SLC25A3: variants seen among roughly 807,000 people sequenced by gnomAD.
SLC25A3 encodes phosphate transport protein.
SLC25A3 carries 14 observed loss-of-function variants against 37.1 expected under a neutral mutation model. The ratio of observed to expected loss-of-function variants is 0.38; its 90% CI spans 0.25 to 0.59. The LOEUF is 0.59. Among genes scored for constraint, SLC25A3 ranks in the 20% least tolerant of loss-of-function variants. SLC25A3 has a pLI of 0.67. For missense variants in SLC25A3, 385 were observed against 458.1 expected (o/e 0.84, Z 1.46); for synonymous variants, 161 against 168.7 (o/e 0.95, Z 0.36).
At chr12:98,594,594 A>G in intron 2 of SLC25A3, 1 of 555,850 alleles carries the variant, frequency 1.8e-6, no homozygotes, top group Non-Finnish European at 3.2e-6. Context: ...TTTGCACTTA[A>G]TTGTATATGA....
chr12:98,598,423 A>T, intron 4 of SLC25A3, 99 bp from the exon 5 acceptor site: 1 of 1,586,564 alleles, frequency 6.3e-7, no homozygotes, highest in Non-Finnish European at 8.6e-7. Context: ...GTGTTACTTT[A>T]TAAAATGTCT....
Position 98,598,680 on chromosome 12 carries a change from G to A in SLC25A3, c.618G>A (p.Met206Ile), listed in dbSNP as rs1437591336. 1.2e-6 allele frequency: 2 copies of A among 1,613,722 alleles called. No individual in the cohort carries two copies. The highest frequency in any genetic ancestry group is 1.7e-6 in the Non-Finnish European group (2 of 1,179,872). ...CTTTGAGGGATGCAGCTCCCAAAAT[G>A]TATAAGGAAGAAGGCCTAAAAGCGT... ...ANTLRDAAPK[M>I]YKEEGLKAFY... is the part of the protein sequence containing the mutation. Residue 206 changes from methionine (M) to isoleucine (I), a missense_variant, in exon 5 of 8, where the codon ATG becomes ATA. Physicochemically the swap from Met to Ile is conservative, Grantham distance 10. Around this residue, in one of 2 missense-constraint regions of SLC25A3, gnomAD observed 276 missense variants for 367.6 expected, o/e 0.75. Transcript: ENST00000552981.
chr12:98,594,319 G>A (rs972910102), intron 2 of SLC25A3, 184 bp downstream of exon 2: 2 of 708,034 alleles, frequency 2.8e-6, no homozygotes, highest in Admixed American at 4.0e-5. Flanking sequence ...CAGATCCTTG[G>A]CCTTCCCTCA....
At chr12:98,601,019 T>C in intron 6 of SLC25A3, 152 bp from the exon 7 acceptor site, 1 of 779,634 alleles carries the variant, frequency 1.3e-6, no homozygotes, top group Admixed American at 2.4e-5. Context: ...TTACATAGGA[T>C]AGACAGCTTG....
chr12:98,600,214 C>A, intron 6 of SLC25A3, 87 bp downstream of exon 6: 1 of 951,106 alleles, frequency 1.1e-6, no homozygotes, highest in Non-Finnish European at 1.7e-6. Flanking sequence ...GAAAAATACT[C>A]CAAAGGTTAT....
chr12:98,600,950 A>G, intron 6 of SLC25A3: 1 of 476,446 alleles, frequency 2.1e-6, no homozygotes, highest in Non-Finnish European at 3.7e-6. Context: ...TTGTTTATTA[A>G]GAATTTTATA....
At chr12:98,594,597 G>A (rs1040117015) in intron 2 of SLC25A3, 1 of 550,720 alleles carries the variant, frequency 1.8e-6, no homozygotes, top group Non-Finnish European at 3.3e-6. Context: ...GCACTTAATT[G>A]TATATGAGAT....
At chr12:98,594,547 C>G (rs755719456) in intron 2 of SLC25A3, 40 of 593,346 alleles carry the variant, frequency 6.7e-5, no homozygotes, top group Non-Finnish European at 9.6e-5. Context: ...ATAGTCCTTT[C>G]CTAAGTTTTA....
rs374547172 is a variant in SLC25A3, at chr12:98,598,596, C to T, written c.534C>T (p.Ala178=). Residue 178 remains alanine (A), a synonymous_variant, in exon 5 of 8, where the codon GCC becomes GCT. Coordinates refer to ENST00000552981, the MANE Select transcript of SLC25A3 (RefSeq NM_002635.4). The stretch of plus-strand genomic sequence containing the variant: ...GTGCTGAATTCTTTGCTGACATTGC[C>T]CTGGCTCCTATGGAAGCTGCTAAGG... ...SASAEFFADI[A]LAPMEAAKVR... 3.0e-5 allele frequency: 49 copies of T among 1,613,840 alleles called. No individual in the cohort carries two copies. Among genetic ancestry groups the T allele is most frequent in the Non-Finnish European group, 1.0e-5 (12 of 1,180,032 alleles).
chr12:98,604,068 A>C lies in SLC25A3; in HGVS notation c.*2540A>C, dbSNP rs2097599828. 1 of 152,018 alleles carries C rather than the reference A, an allele frequency of 6.6e-6. No individual in the cohort carries two copies. Among genetic ancestry groups the C allele is most frequent in the South Asian group, 2.1e-4 (1 of 4,814 alleles). The allele number at this position is 152,018 out of a possible 1,614,324, so 9.4% of individuals were successfully genotyped here. On this transcript the variant is annotated 3_prime_UTR_variant, in exon 8 of 8. Transcript: ENST00000552981. ...CGGGAGTTCAAGACCAGCCTGACCA[A>C]CATGGAGAAACCCTGTCTCTACTAA...
rs370423420 is a variant in SLC25A3 at position 98,600,161 on chromosome 12, T to C, written c.814+34T>C. 1.1e-3 allele frequency: 1,410 copies of C among 1,319,134 alleles called. 21 individuals carry two copies. In the South Asian group the frequency reaches 0.016, roughly 15 times the overall value. The allele number at this position is 1,319,134 out of a possible 1,614,324, so 81.7% of individuals were successfully genotyped here. ...TACTTAGAACACACTTGTCTGAAAT[T>C]ATGAACAAATAATCATTTCCATTAT... is the stretch of plus-strand genomic sequence containing the variant. On this transcript the variant is annotated intron_variant, in intron 6 of 7. Coordinates refer to ENST00000552981, the MANE Select transcript of SLC25A3 (RefSeq NM_002635.4).
At chr12:98,594,831 C>T (rs1338285980) in intron 2 of SLC25A3, 2 of 185,458 alleles carry the variant, frequency 1.1e-5, no homozygotes, top group East Asian at 1.5e-4. Context: ...AGAATGTTAT[C>T]TACCTTGTGC....
chr12:98,598,323 CTAGA>C (rs749979483), intron 4 of SLC25A3, 195 bp from the exon 5 acceptor site: 2 of 855,562 alleles, frequency 2.3e-6, no homozygotes, highest in Non-Finnish European at 3.6e-6. Flanking sequence ...GGCATGGCAT[CTAGA>C]TATTTTTTGA....
chr12:98,597,914 A>G lies in SLC25A3; in HGVS notation c.338A>G (p.Asp113Gly), dbSNP rs759128015. Residue 113 changes from aspartate (D) to glycine (G), a missense_variant, in exon 4 of 8, where the codon GAT becomes GGT. Around this residue, in one of 2 missense-constraint regions of SLC25A3, gnomAD observed 276 missense variants for 367.6 expected, o/e 0.75. Transcript: ENST00000552981. ...FNGFSVTLKE[D>G]GVRGLAKGWA... The stretch of plus-strand genomic sequence containing the variant: ...GGATTCTCAGTTACACTTAAAGAGG[A>G]TGGTGTTCGTGGTTTGGCTAAAGGA... The G allele has an allele frequency of 4.3e-6, 7 of 1,613,974 alleles. No homozygotes were observed. Among genetic ancestry groups the G allele is most frequent in the Non-Finnish European group, 5.9e-6 (7 of 1,180,024 alleles).
rs1451113816 is a variant in SLC25A3 at position 98,604,480 on chromosome 12, T to G, written c.*2952T>G. ...ACTAAACCTCCATTGTGTGAAAGTT[T>G]TATGAAATGTTTTGACTTTTTTTTT... On this transcript the variant is annotated 3_prime_UTR_variant, in exon 8 of 8. Coordinates refer to ENST00000552981, the MANE Select transcript of SLC25A3 (RefSeq NM_002635.4). 2 of 146,130 alleles carry G rather than the reference T, an allele frequency of 1.4e-5. No homozygotes were observed. Among genetic ancestry groups the G allele is most frequent in the African/African-American group, 5.3e-5 (2 of 37,936 alleles). 9.1% of individuals were successfully genotyped at this position (146,130 alleles called of 1,614,324 possible). A position where few individuals can be genotyped will look rare whatever the true frequency, so the allele number is the denominator to read the frequency against.
In SLC25A3 at chr12:98,602,617, GCTC is replaced by G. The variant is rs2097598781; in HGVS notation, c.*1092_*1094del. On this transcript the variant is annotated 3_prime_UTR_variant, in exon 8 of 8. Coordinates refer to ENST00000552981, the MANE Select transcript of SLC25A3 (RefSeq NM_002635.4). ...GTAGGTTTAAGCCCATTTTTAAAGA[GCTC>G]CTAGAAAGTGAATTAGTTTTTGTGT... The G allele has an allele frequency of 2.0e-5, 3 of 152,148 alleles. No individual in the cohort carries two copies. The East Asian group carries it at 5.8e-4, about 29-fold the overall frequency. 9.4% of individuals were successfully genotyped at this position (152,148 alleles called of 1,614,324 possible). A position where few individuals can be genotyped will look rare whatever the true frequency, so the allele number is the denominator to read the frequency against.
Position 98,605,548 on chromosome 12 carries a change from A to C in SLC25A3, c.*4020A>C, listed in dbSNP as rs1444432620. 1 of 152,010 alleles carries C rather than the reference A, an allele frequency of 6.6e-6. No individual in the cohort carries two copies. The highest frequency in any genetic ancestry group is 1.5e-5 in the Non-Finnish European group (1 of 67,992). 9.4% of individuals were successfully genotyped at this position (152,010 alleles called of 1,614,324 possible). On this transcript the variant is annotated 3_prime_UTR_variant, in exon 8 of 8. Transcript: ENST00000552981. The stretch of plus-strand genomic sequence containing the variant: ...AAATTGTATATCAGGCCAGGTGCAA[A>C]AGCTCACTCCTGAAATCCAAGCACT...
At chr12:98,598,846 G>T in intron 5 of SLC25A3, 143 bp downstream of exon 5, 1 of 742,206 alleles carries the variant, frequency 1.3e-6, no homozygotes, top group Non-Finnish European at 2.2e-6. Context: ...CGTGATCTCG[G>T]CTCACTGCAA....
chr12:98,599,273 G>C (rs1050351972), intron 5 of SLC25A3, among the ~76,000 whole-genome samples: 2 of 150,976 alleles, frequency 1.3e-5, no homozygotes, highest in African/African-American at 4.9e-5. Flanking sequence ...GGCTGGTCTC[G>C]AACTCCTGAC....
Sources: gnomAD v4.1 joint callset for allele counts (sites outside exome capture counted in the v4.1 genomes callset) on GRCh38, gnomAD v4.1.1 for gene constraint, gnomAD v4.1.1 regional missense constraint, MANE v1.5 for transcripts, NCBI Gene and HGNC (gene_info 2026-07-23, HGNC 2026-07-21) for gene names.